GRIK4: variants seen among roughly 807,000 people sequenced by gnomAD.
The protein encoded by GRIK4 is glutamate receptor ionotropic, kainate 4.
Under a neutral mutation model 104.9 loss-of-function variants are expected in GRIK4, and 40 were observed. That is an observed-to-expected ratio of 0.38 (90% CI 0.30 to 0.50). The LOEUF (loss-of-function observed/expected upper bound fraction) is 0.50. Ranked by LOEUF, GRIK4 falls within the 20% of genes least tolerant of loss-of-function variation. The pLI is 0.93. For synonymous variants in GRIK4, 485 were observed against 524.9 expected, an observed-to-expected ratio of 0.92 and a Z score of 1.04; for missense variants, 1,047 against 1,308.1, an observed-to-expected ratio of 0.80 and a Z score of 3.08.
chr11:120,738,779 T>C (rs777175095), intron 3 of GRIK4, among the ~76,000 whole-genome samples: 2 of 152,208 alleles, frequency 1.3e-5, no homozygotes, highest in African/African-American at 4.8e-5. Context: ...CTTGGCAAAG[T>C]TGAGAGGATG....
intron 13 of GRIK4, among the ~76,000 whole-genome samples, chr11:120,934,811 A>G (rs1286264413): frequency 1.3e-5 from 2 of 152,186 alleles, no homozygotes; most frequent in Admixed American, 6.5e-5. Context: ...AGCCGGGCAC[A>G]TGGGATGCGT....
At chr11:120,518,868 C>T (rs1226539735) in intron 1 of GRIK4, among the ~76,000 whole-genome samples, 1 of 152,218 alleles carries the variant, frequency 6.6e-6, no homozygotes, top group Non-Finnish European at 1.5e-5. Flanking sequence ...ATCCGCCGGC[C>T]TCAGCCTCCA....
chr11:120,552,400 C>T (rs1948148822), intron 1 of GRIK4, among the ~76,000 whole-genome samples: 2 of 152,104 alleles, frequency 1.3e-5, no homozygotes, highest in Non-Finnish European at 2.9e-5. Context: ...TGAGGGCTTT[C>T]CCCAACACCT....
chr11:120,761,562 T>C (rs1951749678), intron 3 of GRIK4, among the ~76,000 whole-genome samples: 1 of 152,252 alleles, frequency 6.6e-6, no homozygotes, highest in Non-Finnish European at 1.5e-5. Context: ...GGTTTTCTTC[T>C]AGAGTTTTTA....
At chr11:120,632,205 A>C (rs1202577160) in intron 1 of GRIK4, among the ~76,000 whole-genome samples, 1 of 152,132 alleles carries the variant, frequency 6.6e-6, no homozygotes, top group Admixed American at 6.5e-5. Flanking sequence ...TCTTTCCACC[A>C]TGTGAAGATA....
At chr11:120,675,879 C>G (rs189918431) in intron 3 of GRIK4, among the ~76,000 whole-genome samples, 1 of 152,124 alleles carries the variant, frequency 6.6e-6, no homozygotes, top group African/African-American at 2.4e-5. Flanking sequence ...CTGTAGTTTT[C>G]CATTGCTGCC....
At chr11:120,766,601 T>C (rs1259623166) in intron 3 of GRIK4, among the ~76,000 whole-genome samples, 1 of 152,180 alleles carries the variant, frequency 6.6e-6, no homozygotes, top group Non-Finnish European at 1.5e-5. Context: ...CGAGGGAATA[T>C]CCTGTTCTGT....
Position 120,931,507 on chromosome 11 carries a change from G to A in GRIK4, c.1477-8840G>A, listed in dbSNP as rs1404289018. Among the ~76,000 whole-genome samples the A allele has an allele frequency of 2.0e-5, 3 of 152,162 alleles. No homozygotes were observed. The East Asian group carries it at 5.8e-4, about 29-fold the overall frequency. On this transcript the variant is annotated intron_variant, in intron 13 of 20. Transcript: ENST00000527524. ...TTCAATCTTTTTCTTCACTAGAGCC[G>A]ATTGAATGTGCTGCATATTCAGCAT... is the stretch of plus-strand genomic sequence containing the variant.
chr11:120,556,260 C>G (rs1192373709), intron 1 of GRIK4, among the ~76,000 whole-genome samples: 3 of 152,018 alleles, frequency 2.0e-5, no homozygotes, highest in African/African-American at 7.3e-5. Flanking sequence ...TGTCTCATAC[C>G]CCATTTCCAG....
chr11:120,969,047 T>C (rs1164001543), intron 19 of GRIK4, among the ~76,000 whole-genome samples: 1 of 152,138 alleles, frequency 6.6e-6, no homozygotes, highest in East Asian at 1.9e-4. Flanking sequence ...ATTCCATCAA[T>C]AGGGATATGC....
At chr11:120,648,890 G>C (rs1591767788) in intron 1 of GRIK4, among the ~76,000 whole-genome samples, 1 of 152,156 alleles carries the variant, frequency 6.6e-6, no homozygotes, top group African/African-American at 2.4e-5. Context: ...GAACACTTGA[G>C]AATGAAAAGC....
At chr11:120,911,992 T>C (rs1356004886) in intron 13 of GRIK4, among the ~76,000 whole-genome samples, 2 of 152,256 alleles carry the variant, frequency 1.3e-5, no homozygotes, top group Admixed American at 6.5e-5. Flanking sequence ...GTATCATGCC[T>C]TCTAATTTTT....
intron 3 of GRIK4, among the ~76,000 whole-genome samples, chr11:120,750,350 CTTTTTT>C (rs869135246): frequency 5.3e-5 from 4 of 76,124 alleles, no homozygotes; most frequent in Admixed American, 1.7e-4. Context: ...CTAGAAATCT[CTTTTTT>C]TTTTTTTTTT....
intron 1 of GRIK4, among the ~76,000 whole-genome samples, chr11:120,566,464 A>G (rs1285015443): frequency 6.6e-6 from 1 of 152,188 alleles, no homozygotes; most frequent in East Asian, 1.9e-4. Flanking sequence ...CTACGGACGA[A>G]GTTGGGCCAG....
At chr11:120,874,927 TCTC>T (rs1196493721) in intron 10 of GRIK4, among the ~76,000 whole-genome samples, 2 of 152,142 alleles carry the variant, frequency 1.3e-5, no homozygotes, top group East Asian at 3.9e-4. Flanking sequence ...GGAGCATTCT[TCTC>T]CTACTCCAGG....
intron 11 of GRIK4, among the ~76,000 whole-genome samples, chr11:120,882,514 G>A (rs571015510): frequency 2.6e-5 from 4 of 152,298 alleles, no homozygotes; most frequent in African/African-American, 9.6e-5. Flanking sequence ...TGCCTTTGAT[G>A]AGGAAACTTC....
chr11:120,870,639 T>G (rs1035705685), intron 9 of GRIK4: 2 of 151,850 alleles, frequency 1.3e-5, no homozygotes, highest in African/African-American at 4.8e-5. Flanking sequence ...CAAAGGGTAC[T>G]GGGCCTCCAG....
chr11:120,635,710 A>T (rs972059050), intron 1 of GRIK4, among the ~76,000 whole-genome samples: 1 of 152,226 alleles, frequency 6.6e-6, no homozygotes, highest in South Asian at 2.1e-4. Context: ...ATAGCAAAGG[A>T]GCAAGCCAAG....
chr11:120,832,047 C>T lies in GRIK4; in HGVS notation c.690+17C>T, dbSNP rs764192665. 2.5e-6 allele frequency: 4 copies of T among 1,575,534 alleles called. No individual in the cohort carries two copies. Among genetic ancestry groups the T allele is most frequent in the East Asian group, 4.5e-5 (2 of 44,204 alleles). ...CTCCTGAAGGTGGGAGCCTCCCTCT[C>T]TCCCCCACCCCCTGCTGAGCTCCAC... On this transcript the variant is annotated intron_variant, in intron 7 of 20. Transcript: ENST00000527524.
Sources: gnomAD v4.1 joint callset for allele counts (sites outside exome capture counted in the v4.1 genomes callset) on GRCh38, gnomAD v4.1.1 for gene constraint, MANE v1.5 for transcripts, NCBI Gene and HGNC (gene_info 2026-07-23, HGNC 2026-07-21) for gene names.